KCNH1: variants seen among roughly 807,000 people sequenced by gnomAD.
KCNH1 encodes potassium voltage-gated channel subfamily H member 1.
KCNH1 carries 27 observed loss-of-function variants against 69.2 expected under a neutral mutation model. The ratio of observed to expected loss-of-function variants is 0.39; its 90% CI spans 0.29 to 0.54. KCNH1 has a LOEUF of 0.54. KCNH1 is among the 20% of genes least tolerant of loss of function. The probability of loss-of-function intolerance (pLI) is 0.68; values close to 1 mark genes in which losing one functional copy is unlikely to be tolerated. For synonymous variants in KCNH1, 456 were observed against 487.7 expected (o/e 0.93, Z 0.86); for missense variants, 798 against 1,261.6 (o/e 0.63, Z 5.57).
At chr1:211,121,294 AAT>A (rs1266988195) in intron 1 of KCNH1, among the ~76,000 whole-genome samples, 2 of 152,244 alleles carry the variant, frequency 1.3e-5, no homozygotes, top group Non-Finnish European at 2.9e-5. Context: ...ACGAGGCTAT[AAT>A]AACCAAAACA....
At position 210,682,071 on chromosome 1, in the gene KCNH1, C is replaced by A. The variant is rs1265479900; in HGVS notation, c.*1210G>T. 6.6e-6 allele frequency: 1 copy of A among 152,194 alleles called. No homozygotes were observed. The highest frequency in any genetic ancestry group is 1.5e-5 in the Non-Finnish European group (1 of 68,050). 9.4% of individuals were successfully genotyped at this position (152,194 alleles called of 1,614,324 possible). ...AAGGCCACTTCTCTCCATCACCTTA[C>A]AGAGAGCTGGAAACTCACTGCTTCA... On this transcript the variant is annotated 3_prime_UTR_variant, in exon 11 of 11. Coordinates refer to ENST00000271751, the MANE Select transcript of KCNH1 (RefSeq NM_172362.3).
intron 10 of KCNH1, among the ~76,000 whole-genome samples, chr1:210,767,908 C>G (rs560856812): frequency 3.9e-5 from 6 of 152,170 alleles, no homozygotes; most frequent in Non-Finnish European, 7.4e-5. Context: ...CCTCCTCCTT[C>G]CTCTCTTCCA....
chr1:210,882,739 C>T (rs1032764089), intron 7 of KCNH1, among the ~76,000 whole-genome samples: 6 of 152,098 alleles, frequency 3.9e-5, no homozygotes, highest in Admixed American at 6.6e-5. Context: ...ATTTTCTTTT[C>T]AGGCTGAATG....
intron 10 of KCNH1, among the ~76,000 whole-genome samples, chr1:210,738,508 T>C (rs533234640): frequency 6.6e-6 from 1 of 150,870 alleles, no homozygotes; most frequent in African/African-American, 2.4e-5. Context: ...CCAGCAGTAA[T>C]GCCCTGATAA....
intron 5 of KCNH1, among the ~76,000 whole-genome samples, chr1:211,020,066 AAAC>A (rs1689562473): frequency 6.6e-6 from 1 of 152,102 alleles, no homozygotes; most frequent in African/African-American, 2.4e-5. Context: ...GATTTTAAAT[AAAC>A]AACCTAACAA....
At chr1:211,078,316 A>G (rs1218925716) in intron 5 of KCNH1, among the ~76,000 whole-genome samples, 3 of 152,220 alleles carry the variant, frequency 2.0e-5, no homozygotes, top group Non-Finnish European at 4.4e-5. Flanking sequence ...CAGAATATAC[A>G]TTCTTCTCAG....
intron 7 of KCNH1, among the ~76,000 whole-genome samples, chr1:210,829,075 C>T (rs982490927): frequency 1.3e-5 from 2 of 152,138 alleles, no homozygotes; most frequent in Non-Finnish European, 2.9e-5. Flanking sequence ...CAGGATCTGG[C>T]CCCTGCATCT....
intron 10 of KCNH1, among the ~76,000 whole-genome samples, chr1:210,693,114 C>G (rs887873788): frequency 1.3e-5 from 2 of 152,210 alleles, no homozygotes; most frequent in African/African-American, 4.8e-5. Flanking sequence ...AGTGCCCACA[C>G]CCGCCGTGTG....
chr1:210,785,542 A>C (rs555938243), intron 9 of KCNH1, among the ~76,000 whole-genome samples: 1 of 151,892 alleles, frequency 6.6e-6, no homozygotes, highest in African/African-American at 2.4e-5. Flanking sequence ...CTACCACCAC[A>C]TCTGGGTAAT....
At chr1:210,925,513 C>T (rs116085572) in intron 6 of KCNH1, among the ~76,000 whole-genome samples, 1 of 152,196 alleles carries the variant, frequency 6.6e-6, no homozygotes, top group African/African-American at 2.4e-5. Context: ...TGGAAATAGA[C>T]TCGGTGCTGT....
intron 7 of KCNH1, chr1:210,860,078 C>T (rs917768340): frequency 3.3e-5 from 44 of 1,325,424 alleles, no homozygotes; most frequent in Admixed American, 1.4e-4. Flanking sequence ...CCGTATGACA[C>T]GCTGCATCTT....
intron 10 of KCNH1, among the ~76,000 whole-genome samples, chr1:210,687,533 C>T (rs1319220691): frequency 2.6e-5 from 4 of 152,126 alleles, no homozygotes; most frequent in Non-Finnish European, 4.4e-5. Flanking sequence ...GAGCCAGGGA[C>T]GAGCTTCCTA....
Position 210,967,207 on chromosome 1 carries a change from A to C in KCNH1, c.1033-47138T>G, listed in dbSNP as rs559856162. ...GGGCTAGGGGAGGGATAGCATTAGG[A>C]GGAATACATAATGTAGATCATGGGC... is the stretch of plus-strand genomic sequence containing the variant. On this transcript the variant is annotated intron_variant, in intron 6 of 10. Coordinates refer to ENST00000271751, the MANE Select transcript of KCNH1 (RefSeq NM_172362.3). Among the ~76,000 whole-genome samples, 4 of 152,248 alleles carry C rather than the reference A, an allele frequency of 2.6e-5. No homozygotes were observed. The South Asian group carries it at 8.3e-4, about 32-fold the overall frequency.
chr1:210,804,213 T>G (rs752852665), intron 7 of KCNH1, 47 bp from the exon 8 acceptor site: 12 of 1,512,514 alleles, frequency 7.9e-6, no homozygotes, highest in Admixed American at 3.9e-5. Context: ...AAGTTAGTGG[T>G]CCCTGAGCCA....
intron 3 of KCNH1, among the ~76,000 whole-genome samples, chr1:211,092,955 A>C (rs981201184): frequency 4.6e-5 from 7 of 152,080 alleles, no homozygotes; most frequent in African/African-American, 1.7e-4. Flanking sequence ...GCTGGAGTAC[A>C]TCGTGAGTCA....
chr1:210,791,091 C>G lies in KCNH1; in HGVS notation c.1915+6417G>C, dbSNP rs374681462. Among the ~76,000 whole-genome samples, 5 of 152,346 alleles carry G rather than the reference C, an allele frequency of 3.3e-5. No homozygotes were observed. The South Asian group carries it at 1.0e-3, about 32-fold the overall frequency. On this transcript the variant is annotated intron_variant, in intron 9 of 10. Coordinates refer to ENST00000271751, the MANE Select transcript of KCNH1 (RefSeq NM_172362.3). ...TGACTCCATTCTCACAGAGCTACTA[C>G]TCTAGGCCTCTTATACAGATCACTG...
chr1:211,112,432 T>G (rs1691489276), intron 1 of KCNH1, among the ~76,000 whole-genome samples: 1 of 151,774 alleles, frequency 6.6e-6, no homozygotes, highest in Non-Finnish European at 1.5e-5. Context: ...GTGACAGCCT[T>G]GTGTGTGATC....
intron 7 of KCNH1, among the ~76,000 whole-genome samples, chr1:210,889,432 C>T (rs76696308): frequency 6.6e-5 from 10 of 152,090 alleles, no homozygotes; most frequent in African/African-American, 2.4e-4. Flanking sequence ...TTTATGACCA[C>T]CCCACAGCCA....
intron 6 of KCNH1, among the ~76,000 whole-genome samples, chr1:210,998,422 T>A (rs990921019): frequency 3.3e-5 from 5 of 152,164 alleles, no homozygotes; most frequent in African/African-American, 1.2e-4. Flanking sequence ...AGAAGGTCAT[T>A]ACATAATGGT....
Sources: allele counts gnomAD v4.1 joint callset (sites outside exome capture counted in the v4.1 genomes callset), GRCh38; gene constraint gnomAD v4.1.1; transcripts MANE v1.5; gene names NCBI Gene and HGNC (gene_info 2026-07-23, HGNC 2026-07-21).